Variants in GARIN5B observed in about 807,000 individuals in gnomAD.
The protein encoded by GARIN5B is golgi associated RAB2 interactor family member 5B.
At chr19:55,361,913 CCAGGAGT>C in the GARIN5B span, among the ~76,000 whole-genome samples, 1 of 111,604 alleles carries the variant, frequency 9.0e-6, no homozygotes, top group African/African-American at 4.1e-5. Flanking sequence ...TCCGTCAGAC[CCAGGAGT>C]CCAGGCCCCC....
the GARIN5B span, chr19:55,362,148 G>C: frequency 7.1e-7 from 1 of 1,417,766 alleles, no homozygotes; most frequent in Non-Finnish European, 9.2e-7. Flanking sequence ...CCAGGCCCCC[G>C]GCCTAGACTT....
chr19:55,359,274 G>A, the GARIN5B span: 9 of 1,551,208 alleles, frequency 5.8e-6, no homozygotes, highest in South Asian at 1.2e-5. Flanking sequence ...GGGGCAGGGA[G>A]GAGTAGAGAT....
At chr19:55,358,668 T>C in the GARIN5B span, 23 of 1,551,342 alleles carry the variant, frequency 1.5e-5, no homozygotes, top group African/African-American at 2.7e-5. Flanking sequence ...GAAGCCATCA[T>C]TGACGTGGCC....
chr19:55,359,178 A>C, the GARIN5B span: 1 of 1,551,338 alleles, frequency 6.4e-7, no homozygotes, highest in Non-Finnish European at 8.7e-7. Context: ...AACACGTCAA[A>C]ATCGCCAGGG....
the GARIN5B span, chr19:55,359,594 A>G: frequency 1.9e-6 from 3 of 1,551,372 alleles, no homozygotes; most frequent in Non-Finnish European, 2.6e-6. Flanking sequence ...TGAAGCAGGT[A>G]CAGCTGGGAG....
the GARIN5B span, chr19:55,361,355 T>G: frequency 6.5e-7 from 1 of 1,540,332 alleles, no homozygotes; most frequent in South Asian, 1.2e-5. Flanking sequence ...GGTGCAGCTC[T>G]GTCCCTGCGA....
chr19:55,359,938 A>G, the GARIN5B span: 1 of 1,550,924 alleles, frequency 6.4e-7, no homozygotes, highest in South Asian at 1.2e-5. Context: ...TCTCAACCAC[A>G]TGTCCCTGGC....
At chr19:55,359,790 A>C in the GARIN5B span, 24 of 1,551,236 alleles carry the variant, frequency 1.5e-5, no homozygotes, top group Non-Finnish European at 2.1e-5. Context: ...GCCAGACCGG[A>C]GGCAGCAGAC....
At chr19:55,355,587 G>A in the GARIN5B span, among the ~76,000 whole-genome samples, 3 of 152,134 alleles carry the variant, frequency 2.0e-5, no homozygotes, top group Admixed American at 2.0e-4. Context: ...ACTGGAATCT[G>A]GGCAGGTGGT....
At chr19:55,358,526 CCCCA>C in the GARIN5B span, 1 of 30,150 alleles carries the variant, frequency 3.3e-5, no homozygotes, top group Non-Finnish European at 4.7e-5. Flanking sequence ...CTTCATCTCG[CCCCA>C]TGGCTGCTCC....
the GARIN5B span, chr19:55,359,324 A>G: frequency 3.4e-6 from 4 of 1,163,108 alleles, no homozygotes; most frequent in South Asian, 5.1e-5. Context: ...CTTCTGGGGA[A>G]TGGTAGGTAC....
the GARIN5B span, chr19:55,360,808 C>T: frequency 6.4e-7 from 1 of 1,551,148 alleles, no homozygotes; most frequent in Non-Finnish European, 8.7e-7. Flanking sequence ...GGGGCAGGAA[C>T]CAGAGCCACA....
chr19:55,360,870 G>A, the GARIN5B span: 2 of 1,547,422 alleles, frequency 1.3e-6, no homozygotes, highest in African/African-American at 1.4e-5. Flanking sequence ...GCGGATTTGG[G>A]TGTGAGTTCT....
the GARIN5B span, chr19:55,362,608 T>A: frequency 2.6e-6 from 4 of 1,546,920 alleles, no homozygotes; most frequent in Non-Finnish European, 3.5e-6. Flanking sequence ...GCAGTCCCTG[T>A]CCTCGGCGGG....
the GARIN5B span, chr19:55,358,938 C>T: frequency 6.4e-7 from 1 of 1,551,194 alleles, no homozygotes; most frequent in Admixed American, 2.0e-5. Context: ...TGGGCCCAGT[C>T]CTCCAACTTC....
chr19:55,361,509 C>T, the GARIN5B span: 1 of 1,404,240 alleles, frequency 7.1e-7, no homozygotes, highest in Non-Finnish European at 9.4e-7. Flanking sequence ...AGGCCTAGGC[C>T]CCCTCCTGCT....
the GARIN5B span, chr19:55,360,742 A>T: frequency 6.4e-7 from 1 of 1,551,710 alleles, no homozygotes; most frequent in Non-Finnish European, 8.7e-7. Context: ...GATGCTGAAG[A>T]TGGTCCAGGT....
At chr19:55,361,478 C>T in the GARIN5B span, 3 of 1,457,716 alleles carry the variant, frequency 2.1e-6, no homozygotes, top group Non-Finnish European at 2.7e-6. Context: ...GCTTCCACAT[C>T]TCCATAACCT....
At chr19:55,355,595 G>C in the GARIN5B span, among the ~76,000 whole-genome samples, 15 of 152,088 alleles carry the variant, frequency 9.9e-5, no homozygotes, top group Non-Finnish European at 2.1e-4. Flanking sequence ...CTGGGCAGGT[G>C]GTTTCACCTC....
Sources: allele counts gnomAD v4.1 joint callset (sites outside exome capture counted in the v4.1 genomes callset), GRCh38; gene constraint gnomAD v4.1.1; transcripts MANE v1.5; gene names NCBI Gene and HGNC (gene_info 2026-07-23, HGNC 2026-07-21).